GRIK2: variants seen among roughly 807,000 people sequenced by gnomAD.
GRIK2 encodes glutamate ionotropic receptor kainate type subunit 2.
Under a neutral mutation model 100.3 loss-of-function variants are expected in GRIK2, and 32 were observed. The observed-to-expected ratio is 0.32, with a 90% CI of 0.24 to 0.43. The LOEUF is 0.43. Among genes scored for constraint, GRIK2 ranks in the 20% least tolerant of loss-of-function variants. GRIK2 has a pLI of 1.00. For synonymous variants in GRIK2, 417 were observed against 389.4 expected (o/e 1.07, Z -0.83); for missense variants, 843 against 1,114.9 (o/e 0.76, Z 3.47).
chr6:102,045,654 C>A (rs1158099488), intron 15 of GRIK2, among the ~76,000 whole-genome samples: 1 of 151,968 alleles, frequency 6.6e-6, no homozygotes, highest in South Asian at 2.1e-4. Flanking sequence ...ATGCAAAGAA[C>A]TTTTAAAACA....
intron 7 of GRIK2, among the ~76,000 whole-genome samples, chr6:101,798,785 AAC>A (rs1780480550): frequency 1.3e-5 from 2 of 152,216 alleles, no homozygotes; most frequent in East Asian, 1.9e-4. Flanking sequence ...CGATCTGTCA[AAC>A]ACAGAGTGAG....
intron 2 of GRIK2, among the ~76,000 whole-genome samples, chr6:101,542,772 T>G (rs1237041045): frequency 2.0e-5 from 3 of 152,078 alleles, no homozygotes. Flanking sequence ...ATTAACTAAA[T>G]TTTGAAAAAT....
At chr6:102,013,689 CAT>C (rs1795671011) in intron 14 of GRIK2, among the ~76,000 whole-genome samples, 1 of 152,010 alleles carries the variant, frequency 6.6e-6, no homozygotes, top group African/African-American at 2.4e-5. Context: ...TTAAGATAAT[CAT>C]GTGGTTTTGT....
At chr6:102,044,764 A>C (rs1770792926) in intron 15 of GRIK2, among the ~76,000 whole-genome samples, 1 of 151,984 alleles carries the variant, frequency 6.6e-6, no homozygotes, top group Admixed American at 6.6e-5. Context: ...ACCTGATAAC[A>C]ATACAAACAA....
intron 14 of GRIK2, among the ~76,000 whole-genome samples, chr6:102,022,667 A>AT (rs566335588): frequency 1.3e-5 from 2 of 151,398 alleles, no homozygotes; most frequent in East Asian, 2.0e-4. Flanking sequence ...TGTATTATTG[A>AT]TTTTTTTTCT....
At chr6:101,975,852 C>T (rs200818639) in intron 14 of GRIK2, among the ~76,000 whole-genome samples, 5 of 65,516 alleles carry the variant, frequency 7.6e-5, no homozygotes, top group African/African-American at 1.9e-4. Flanking sequence ...TCTATCCCTC[C>T]ATCCATCCAT....
chr6:101,634,330 T>G (rs932088240), intron 4 of GRIK2, among the ~76,000 whole-genome samples: 1 of 152,118 alleles, frequency 6.6e-6, no homozygotes, highest in South Asian at 2.1e-4. Context: ...TTGGGGATAC[T>G]AATCAGTGGC....
At chr6:101,568,370 T>C (rs1777380187) in intron 2 of GRIK2, among the ~76,000 whole-genome samples, 1 of 152,004 alleles carries the variant, frequency 6.6e-6, no homozygotes, top group Admixed American at 6.6e-5. Flanking sequence ...AATTATCTAA[T>C]TGGAAAAGTT....
intron 2 of GRIK2, among the ~76,000 whole-genome samples, chr6:101,523,765 G>A (rs1252833401): frequency 7.0e-6 from 1 of 143,860 alleles, no homozygotes; most frequent in Non-Finnish European, 1.5e-5. Flanking sequence ...TGTCGCCTAG[G>A]CTAGAATGCA....
intron 7 of GRIK2, among the ~76,000 whole-genome samples, chr6:101,696,876 G>A (rs1343603626): frequency 6.6e-6 from 1 of 151,948 alleles, no homozygotes; most frequent in African/African-American, 2.4e-5. Flanking sequence ...CTTTAGATGT[G>A]CAGCCAGATT....
In GRIK2 at chr6:101,783,017, C is replaced by T. The variant is rs574831575; in HGVS notation, c.952-16631C>T. Among the ~76,000 whole-genome samples the T allele has an allele frequency of 7.2e-5, 11 of 151,872 alleles. No homozygotes were observed. The South Asian group carries it at 1.7e-3, about 23-fold the overall frequency. On this transcript the variant is annotated intron_variant, in intron 7 of 16. Coordinates refer to ENST00000369134, the MANE Select transcript of GRIK2 (RefSeq NM_021956.5). ...GACTACAGGCACCCGCCACCATGCCCGGCTAATTTTTTTTGTATTTTTAGT... is the reference window on the plus strand; with the variant it reads ...GACTACAGGCACCCGCCACCATGCCTGGCTAATTTTTTTTGTATTTTTAGT...
At position 101,767,220 on chromosome 6, in the gene GRIK2, A is replaced by G. The variant is rs573383624; in HGVS notation, c.952-32428A>G. Among the ~76,000 whole-genome samples the G allele has an allele frequency of 6.2e-4, 95 of 152,330 alleles. 1 individual carries two copies. The highest frequency in any genetic ancestry group is 8.7e-4 in the Non-Finnish European group (59 of 68,024). Reference sequence around the variant, plus strand: ...AATACTTTTATAATTCTTACATATCAATCATGAGTAAAATTGTGCTTTAGT... The same window carrying G: ...AATACTTTTATAATTCTTACATATCGATCATGAGTAAAATTGTGCTTTAGT... On this transcript the variant is annotated intron_variant, in intron 7 of 16. Transcript: ENST00000369134.
chr6:101,791,591 T>C (rs201662349), intron 7 of GRIK2, among the ~76,000 whole-genome samples: 22 of 151,874 alleles, frequency 1.4e-4, no homozygotes, highest in African/African-American at 5.1e-4. Flanking sequence ...TATAATTTCT[T>C]TTTTTTTACA....
intron 2 of GRIK2, among the ~76,000 whole-genome samples, chr6:101,583,901 T>A (rs1002263418): frequency 6.6e-6 from 1 of 152,042 alleles, no homozygotes; most frequent in Non-Finnish European, 1.5e-5. Context: ...GCAGAGAAAA[T>A]TAAAAGCAGC....
At chr6:101,707,594 G>GTATATATATATA (rs1193552049) in intron 7 of GRIK2, among the ~76,000 whole-genome samples, 144 of 106,032 alleles carry the variant, frequency 1.4e-3, no homozygotes, top group South Asian at 4.7e-3. Context: ...GTGTGTGTGT[G>GTATATATATATA]TATATATGTG....
At chr6:101,502,333 A>G (rs1357251081) in intron 2 of GRIK2, among the ~76,000 whole-genome samples, 2 of 152,150 alleles carry the variant, frequency 1.3e-5, no homozygotes, top group Non-Finnish European at 2.9e-5. Context: ...ATATACACAC[A>G]TACACAAAGA....
At chr6:101,945,756 AC>A (rs1791234443) in intron 14 of GRIK2, among the ~76,000 whole-genome samples, 1 of 152,128 alleles carries the variant, frequency 6.6e-6, no homozygotes, top group African/African-American at 2.4e-5. Flanking sequence ...TTTTCTCTTT[AC>A]TTTTTACTTA....
chr6:101,799,614 T>C, intron 7 of GRIK2, 34 bp from the exon 8 acceptor site: 1 of 1,575,500 alleles, frequency 6.3e-7, no homozygotes, highest in East Asian at 2.2e-5. Flanking sequence ...ACAAGTTATA[T>C]TGACTATAAA....
chr6:101,682,467 T>C (rs1771345370), intron 5 of GRIK2, 86 bp from the exon 6 acceptor site: 1 of 723,556 alleles, frequency 1.4e-6, no homozygotes, highest in Non-Finnish European at 2.5e-6. Flanking sequence ...CTTTATCACA[T>C]CCTACTATAT....
Sources: allele counts gnomAD v4.1 joint callset (sites outside exome capture counted in the v4.1 genomes callset), GRCh38; gene constraint gnomAD v4.1.1; transcripts MANE v1.5; gene names NCBI Gene and HGNC (gene_info 2026-07-23, HGNC 2026-07-21).